LRP6: variants seen among roughly 807,000 people sequenced by gnomAD.
LRP6 encodes the protein low-density lipoprotein receptor-related protein 6.
In LRP6, 43 loss-of-function variants were observed where a neutral mutation model predicts 184.1. The ratio of observed to expected loss-of-function variants is 0.23; its 90% CI spans 0.18 to 0.30. The LOEUF (loss-of-function observed/expected upper bound fraction) is 0.30, where lower values mean the gene tolerates loss of function less well. Among genes scored for constraint, LRP6 ranks in the 10% least tolerant of loss-of-function variants. The probability of loss-of-function intolerance (pLI) is 1.00; values close to 1 mark genes in which losing one functional copy is unlikely to be tolerated. For synonymous variants in LRP6, 719 were observed against 684.9 expected (o/e 1.05, Z -0.78); for missense variants, 1,571 against 2,005.3 (o/e 0.78, Z 4.14).
At chr12:12,171,743 T>C (rs1863052472) in intron 7 of LRP6, among the ~76,000 whole-genome samples, 1 of 152,180 alleles carries the variant, frequency 6.6e-6, no homozygotes, top group African/African-American at 2.4e-5. Context: ...TTCCTTCCAT[T>C]ACTTTTGTAG....
chr12:12,164,127 T>TAAA, intron 9 of LRP6, 146 bp downstream of exon 9: 1 of 665,264 alleles, frequency 1.5e-6, no homozygotes, highest in Non-Finnish European at 2.5e-6. Context: ...AAGACACCGT[T>TAAA]TAAAAAAAAA....
At chr12:12,240,418 A>G (rs1865034192) in intron 2 of LRP6, among the ~76,000 whole-genome samples, 2 of 152,020 alleles carry the variant, frequency 1.3e-5, no homozygotes, top group Admixed American at 1.3e-4. Context: ...TAAAAATACA[A>G]AAAATTAGCT....
intron 12 of LRP6, among the ~76,000 whole-genome samples, chr12:12,154,629 T>C (rs955141354): frequency 5.3e-4 from 80 of 152,156 alleles, no homozygotes; most frequent in African/African-American, 1.6e-3. Flanking sequence ...ACTCGGAAGA[T>C]TGAGGTGGGA....
intron 15 of LRP6, among the ~76,000 whole-genome samples, chr12:12,146,396 T>C (rs1201281267): frequency 6.6e-6 from 1 of 152,226 alleles, no homozygotes; most frequent in African/African-American, 2.4e-5. Flanking sequence ...TTTGCCATGC[T>C]GACAGACACA....
rs1254690249 is a variant in LRP6 at position 12,118,759 on chromosome 12, C to T, written c.*2367G>A. ...CCAGAAAGAGAACACTGAGATTAGG[C>T]TGAACTGCCTTCAAATAATTTTAAA... On this transcript the variant is annotated 3_prime_UTR_variant, in exon 23 of 23. Coordinates refer to ENST00000261349, the MANE Select transcript of LRP6 (RefSeq NM_002336.3). 6.6e-6 allele frequency: 1 copy of T among 152,202 alleles called. No homozygotes were observed. Among genetic ancestry groups the T allele is most frequent in the Non-Finnish European group, 1.5e-5 (1 of 68,038 alleles). The allele number at this position is 152,202 out of a possible 1,614,324, so 9.4% of individuals were successfully genotyped here.
chr12:12,250,807 G>C (rs1267893804), intron 1 of LRP6, among the ~76,000 whole-genome samples: 2 of 151,902 alleles, frequency 1.3e-5, no homozygotes, highest in East Asian at 3.9e-4. Flanking sequence ...ATTTTTAGTA[G>C]AGGCAGGTTT....
At chr12:12,230,507 TA>T (rs1286893926) in intron 2 of LRP6, among the ~76,000 whole-genome samples, 2 of 152,136 alleles carry the variant, frequency 1.3e-5, no homozygotes, top group African/African-American at 4.8e-5. Flanking sequence ...ACTTGAGCTA[TA>T]AAAACTAAGT....
rs912712982 is a variant in LRP6, at chr12:12,118,105, A to G, written c.*3021T>C. On this transcript the variant is annotated 3_prime_UTR_variant, in exon 23 of 23. Transcript: ENST00000261349. Reference sequence around the variant, plus strand: ...TAAAGTAACTACATAATCTTCTGCTAAACAGATATCTTGTGATATGCTGTA... The same window carrying G: ...TAAAGTAACTACATAATCTTCTGCTGAACAGATATCTTGTGATATGCTGTA... 1.4e-4 allele frequency: 21 copies of G among 152,238 alleles called. No individual in the cohort carries two copies. The highest frequency in any genetic ancestry group is 4.4e-5 in the Non-Finnish European group (3 of 68,044). The allele number at this position is 152,238 out of a possible 1,614,324, so 9.4% of individuals were successfully genotyped here. A position where few individuals can be genotyped will look rare whatever the true frequency, so the allele number is the denominator to read the frequency against.
intron 12 of LRP6, chr12:12,155,130 A>T (rs1472516250): frequency 4.9e-6 from 2 of 410,078 alleles, no homozygotes; most frequent in African/African-American, 4.1e-5. Flanking sequence ...TGGGAGGCGG[A>T]TGTTGCAGTG....
intron 7 of LRP6, among the ~76,000 whole-genome samples, chr12:12,168,755 G>A: frequency 6.6e-6 from 1 of 152,142 alleles, no homozygotes; most frequent in East Asian, 1.9e-4. Flanking sequence ...CAATTTCTGT[G>A]AGATGGCAAG....
At chr12:12,232,693 A>C (rs1437039327) in intron 2 of LRP6, among the ~76,000 whole-genome samples, 1 of 152,186 alleles carries the variant, frequency 6.6e-6, no homozygotes, top group African/African-American at 2.4e-5. Flanking sequence ...AGATGGAATA[A>C]AATATATGAC....
chr12:12,146,872 G>A (rs970727568), intron 15 of LRP6, among the ~76,000 whole-genome samples: 3 of 152,202 alleles, frequency 2.0e-5, no homozygotes, highest in Non-Finnish European at 4.4e-5. Context: ...TATTATTTAC[G>A]CCGGGCGCGG....
At chr12:12,151,095 C>G in intron 12 of LRP6, 57 bp from the exon 13 acceptor site, 1 of 1,364,134 alleles carries the variant, frequency 7.3e-7, no homozygotes, top group Non-Finnish European at 1.0e-6. Context: ...CCTCTATCAT[C>G]CAATGATTTG....
At chr12:12,136,222 T>C (rs11054701) in intron 16 of LRP6, among the ~76,000 whole-genome samples, 28,862 of 152,124 alleles carry the variant, frequency 0.19, 2,900 homozygotes, top group African/African-American at 0.25. Context: ...CTAGGGAGAA[T>C]GCTGAAACTT....
intron 19 of LRP6, among the ~76,000 whole-genome samples, chr12:12,127,606 C>G (rs943256379): frequency 1.3e-5 from 2 of 151,744 alleles, no homozygotes; most frequent in African/African-American, 4.9e-5. Context: ...AAGAGGACAC[C>G]ACCCCAGGGA....
At chr12:12,242,329 A>G (rs1865087797) in intron 2 of LRP6, among the ~76,000 whole-genome samples, 2 of 152,246 alleles carry the variant, frequency 1.3e-5, no homozygotes, top group African/African-American at 4.8e-5. Context: ...CTCTCCAACC[A>G]GAGTACAAAA....
intron 3 of LRP6, among the ~76,000 whole-genome samples, chr12:12,202,632 TAGC>T (rs990506030): frequency 6.6e-6 from 1 of 152,250 alleles, no homozygotes; most frequent in Admixed American, 6.5e-5. Context: ...TAAACTACAG[TAGC>T]AGAAGTAGTT....
intron 7 of LRP6, among the ~76,000 whole-genome samples, chr12:12,165,790 T>C (rs548021715): frequency 5.9e-5 from 9 of 152,298 alleles, no homozygotes; most frequent in African/African-American, 2.2e-4. Flanking sequence ...TTAGCATGCT[T>C]TTTATTTTGT....
At chr12:12,247,690 A>G (rs1865221934) in intron 1 of LRP6, among the ~76,000 whole-genome samples, 1 of 152,166 alleles carries the variant, frequency 6.6e-6, no homozygotes. Context: ...CAACATATTA[A>G]ATGGGATATC....
Sources: allele counts gnomAD v4.1 joint callset (sites outside exome capture counted in the v4.1 genomes callset), GRCh38; gene constraint gnomAD v4.1.1; transcripts MANE v1.5; gene names NCBI Gene and HGNC (gene_info 2026-07-23, HGNC 2026-07-21).